The following SH3BP5L variants were observed in gnomAD, a reference collection of about 807,000 sequenced individuals.
SH3BP5L encodes the protein SH3 binding domain protein 5 like.
SH3BP5L carries 16 observed loss-of-function variants against 40.9 expected under a neutral mutation model. That is an observed-to-expected ratio of 0.39 (90% confidence interval 0.27 to 0.59). The LOEUF is 0.59. Among genes scored for constraint, SH3BP5L ranks in the 20% least tolerant of loss-of-function variants. SH3BP5L has a pLI of 0.53. For missense variants in SH3BP5L, 471 were observed against 544.6 expected (o/e 0.86, Z 1.35); for synonymous variants, 229 against 226.7 (o/e 1.01, Z -0.09).
At chr1:248,820,362 C>T (rs996180955) in intron 2 of SH3BP5L, 4 of 152,274 alleles carry the variant, frequency 2.6e-5, no homozygotes, top group Admixed American at 6.5e-5. Flanking sequence ...CCCCAACAGG[C>T]CCTAAAAAGG....
chr1:248,817,079 C>G, intron 2 of SH3BP5L, 195 bp from the exon 3 acceptor site: 1 of 1,524,354 alleles, frequency 6.6e-7, no homozygotes. Flanking sequence ...CATACAATCT[C>G]ACGTAATCCT....
chr1:248,825,745 T>G, intron 1 of SH3BP5L, 90 bp downstream of exon 1: 2 of 383,856 alleles, frequency 5.2e-6, no homozygotes, highest in South Asian at 1.1e-4. Flanking sequence ...AAGCCTCCCG[T>G]CTCCAATTCC....
intron 2 of SH3BP5L, 124 bp from the exon 3 acceptor site, chr1:248,817,008 C>T: frequency 6.4e-7 from 1 of 1,569,436 alleles, no homozygotes; most frequent in Middle Eastern, 1.7e-4. Flanking sequence ...GTGAGACACT[C>T]AGGAAAGGAA....
Position 248,821,967 on chromosome 1 carries a change from G to C in SH3BP5L, c.183+2786C>G, listed in dbSNP as rs1664264097. Among the ~76,000 whole-genome samples, 1 of 152,164 alleles carries C rather than the reference G, an allele frequency of 6.6e-6. No individual in the cohort carries two copies. Among genetic ancestry groups the C allele is most frequent in the African/African-American group, 2.4e-5 (1 of 41,434 alleles). On this transcript the variant is annotated intron_variant, in intron 2 of 6. Coordinates refer to ENST00000366472, the MANE Select transcript of SH3BP5L (RefSeq NM_030645.3). This position sits in a 1 kb window ranked among gnomAD's most constrained non-coding sequence, Gnocchi z 4.6. ...ATACCGAAACAGGCGCTCTACCTTTGGGATATACCTGGCCCAGTGGATTTG... is the reference window on the plus strand; with the variant it reads ...ATACCGAAACAGGCGCTCTACCTTTCGGATATACCTGGCCCAGTGGATTTG...
At chr1:248,822,477 A>G (rs565986104) in intron 2 of SH3BP5L, among the ~76,000 whole-genome samples, 17 of 152,312 alleles carry the variant, frequency 1.1e-4, no homozygotes, top group African/African-American at 4.1e-4. Flanking sequence ...CGTGTTGTGC[A>G]GTTTAGCAAG....
At chr1:248,822,664 CT>C (rs201440745) in intron 2 of SH3BP5L, among the ~76,000 whole-genome samples, 8,790 of 144,346 alleles carry the variant, frequency 0.061, 379 homozygotes, top group African/African-American at 0.12. Context: ...TGAGGAACTG[CT>C]TTTTTTTTTT....
chr1:248,819,398 T>TA (rs778474005), intron 2 of SH3BP5L, among the ~76,000 whole-genome samples: 3,921 of 134,672 alleles, frequency 0.029, 160 homozygotes, highest in African/African-American at 0.09. Flanking sequence ...CTGATGAGCT[T>TA]AAAAAAAAAA....
chr1:248,813,456 T>C (rs1425194232), intron 5 of SH3BP5L: 1 of 351,078 alleles, frequency 2.8e-6, no homozygotes, highest in Non-Finnish European at 5.1e-6. Flanking sequence ...CCTGCACCAC[T>C]GGCTACTCAG....
Position 248,812,118 on chromosome 1 carries a change from G to C in SH3BP5L, c.964C>G (p.Leu322Val), listed in dbSNP as rs752894866. 73 of 1,609,554 alleles carry C rather than the reference G, an allele frequency of 4.5e-5. No homozygotes were observed. The highest frequency in any genetic ancestry group is 6.0e-5 in the Non-Finnish European group (71 of 1,177,938). ...GTGTCGGGGGCGGGGCCGGGCCCCA[G>C]GCTGCTGCCCTCCTCCAGCCCCGCA... Reference protein sequence around the residue: ...EGAGLEEGSSLGPGPAPDTDT... With the variant: ...EGAGLEEGSSVGPGPAPDTDT... Residue 322 changes from leucine (L) to valine (V), a missense_variant, in exon 7 of 7, where the codon CTG becomes GTG. Coordinates refer to ENST00000366472, the MANE Select transcript of SH3BP5L (RefSeq NM_030645.3). This position sits in a 1 kb window ranked among gnomAD's most constrained non-coding sequence, Gnocchi z 6.1.
chr1:248,820,904 T>C (rs1482682736), intron 2 of SH3BP5L: 1 of 152,226 alleles, frequency 6.6e-6, no homozygotes, highest in Non-Finnish European at 1.5e-5. Context: ...TCAGCATAAG[T>C]TGTTACTACT....
rs1409483938 is a variant in SH3BP5L at position 248,816,561 on chromosome 1, G to A, written c.348C>T (p.Tyr116=). 2 of 1,614,160 alleles carry A rather than the reference G, an allele frequency of 1.2e-6. No individual in the cohort carries two copies. Among genetic ancestry groups the A allele is most frequent in the South Asian group, 2.2e-5 (2 of 91,084 alleles). The change falls in exon 4 of 7, where the codon TAC becomes TAT. Residue 116 remains tyrosine, a synonymous_variant. Transcript: ENST00000366472. ...LGSCIEKARP[Y]YEARRLAKEA... is the part of the protein sequence containing the mutation. ...CCTTAGCCAGCCGCCGAGCCTCATA[G>A]TAGGGCCGGGCTTTCTCGATGCAGC...
intron 2 of SH3BP5L, 133 bp downstream of exon 2, chr1:248,824,620 G>A (rs1011720817): frequency 2.6e-6 from 3 of 1,133,834 alleles, no homozygotes; most frequent in Non-Finnish European, 2.5e-6. Flanking sequence ...GCAATGATTT[G>A]TTGACAAACT....
At chr1:248,814,322 C>T in intron 5 of SH3BP5L, 127 bp downstream of exon 5, 1 of 1,090,826 alleles carries the variant, frequency 9.2e-7, no homozygotes, top group South Asian at 1.5e-5. Flanking sequence ...ACAGGTTTTG[C>T]CTGAAACAGA....
intron 1 of SH3BP5L, 96 bp from the exon 2 acceptor site, chr1:248,825,462 C>T: frequency 1.2e-6 from 1 of 847,254 alleles, no homozygotes; most frequent in Non-Finnish European, 1.4e-6. Context: ...AAACTACACT[C>T]TCACCACGCC....
rs1239789729 is a variant in SH3BP5L at position 248,824,994 on chromosome 1, G to A, written c.-59C>T. On this transcript the variant is annotated 5_prime_UTR_variant, in exon 2 of 7. Transcript: ENST00000366472. ...GAGAGGACTGACATGCTGGGACCAG[G>A]GCCCCAGCTTGGGGCTTCCTGGGCT... is the stretch of plus-strand genomic sequence containing the variant. 3.3e-6 allele frequency: 5 copies of A among 1,531,616 alleles called. No individual in the cohort carries two copies. The highest frequency in any genetic ancestry group is 4.4e-6 in the Non-Finnish European group (5 of 1,144,490). The allele number at this position is 1,531,616 out of a possible 1,614,324, so 94.9% of individuals were successfully genotyped here.
At chr1:248,815,626 C>A (rs963611810) in intron 4 of SH3BP5L, among the ~76,000 whole-genome samples, 3 of 152,196 alleles carry the variant, frequency 2.0e-5, no homozygotes, top group Non-Finnish European at 2.9e-5. Context: ...AAGCCTGGAT[C>A]CCCAGCTAAC....
rs1315801842 is a variant in SH3BP5L at position 248,811,597 on chromosome 1, A to G, written c.*303T>C. ...ACAGATGGAAAGAGAGGGAGCAGAA[A>G]GGGAAAGCAAAGGGTCAATGCCCTG... On this transcript the variant is annotated 3_prime_UTR_variant, in exon 7 of 7. Transcript: ENST00000366472. 7.6e-6 allele frequency: 3 copies of G among 396,560 alleles called. No homozygotes were observed. Among genetic ancestry groups the G allele is most frequent in the East Asian group, 7.8e-5 (2 of 25,494 alleles). 24.6% of individuals were successfully genotyped at this position (396,560 alleles called of 1,614,324 possible).
intron 2 of SH3BP5L, among the ~76,000 whole-genome samples, chr1:248,823,966 GA>G (rs752053993): frequency 2.0e-5 from 3 of 152,186 alleles, no homozygotes; most frequent in Non-Finnish European, 2.9e-5. Flanking sequence ...ACCCAGCTTT[GA>G]TTGGCCAGGC....
chr1:248,822,726 G>A (rs1664283180), intron 2 of SH3BP5L, among the ~76,000 whole-genome samples: 1 of 150,826 alleles, frequency 6.6e-6, no homozygotes, highest in South Asian at 2.1e-4. Context: ...TGCAGTGGCA[G>A]ATCTCAGCTC....
Sources: allele counts gnomAD v4.1 joint callset (sites outside exome capture counted in the v4.1 genomes callset), GRCh38; gene constraint gnomAD v4.1.1; non-coding constraint Gnocchi (gnomAD v3.1); transcripts MANE v1.5; gene names NCBI Gene and HGNC (gene_info 2026-07-23, HGNC 2026-07-21).